Variants in CEP85 observed in about 807,000 individuals in gnomAD.
CEP85 encodes the protein centrosomal protein 85.
In CEP85, 58 loss-of-function variants were observed where a neutral mutation model predicts 93.7. The ratio of observed to expected loss-of-function variants is 0.62; its 90% CI spans 0.50 to 0.77. CEP85 has a LOEUF of 0.77. Ranked by LOEUF, CEP85 falls within the 30% of genes least tolerant of loss-of-function variation. The pLI, the probability that CEP85 is intolerant of heterozygous loss-of-function variation, is 0.00. For missense variants in CEP85, 868 were observed against 922.0 expected (o/e 0.94, Z 0.76); for synonymous variants, 314 against 338.6 (o/e 0.93, Z 0.80).
intron 7 of CEP85, among the ~76,000 whole-genome samples, chr1:26,266,101 C>G (rs1414480619): frequency 6.6e-6 from 1 of 151,734 alleles, no homozygotes. Flanking sequence ...CCCAGCTCCT[C>G]GGGAGGCTGA....
Position 26,244,262 on chromosome 1 carries a change from G to T in CEP85, c.152G>T (p.Ser51Ile). ...PFRSRFSRCSSVADSGDTAIG... is the reference protein window; with the variant it reads ...PFRSRFSRCSIVADSGDTAIG... ...CGGAGCCGCTTCAGCCGCTGTTCAA[G>T]TGTAGCCGACAGTGGGGACACAGCC... The change falls in exon 3 of 14, where the codon AGT (serine) becomes ATT (isoleucine). Residue 51 changes from serine (S) to isoleucine (I), a missense_variant. By Grantham distance (142) the Ser-to-Ile change is moderately radical. Transcript: ENST00000451429. The T allele has an allele frequency of 6.2e-7, 1 of 1,614,094 alleles. No individual in the cohort carries two copies. The highest frequency in any genetic ancestry group is 8.5e-7 in the Non-Finnish European group (1 of 1,180,024).
chr1:26,257,823 C>T, intron 5 of CEP85, 93 bp downstream of exon 5: 1 of 1,421,842 alleles, frequency 7.0e-7, no homozygotes, highest in Non-Finnish European at 9.7e-7. Context: ...AAGCATTCCT[C>T]CTCTGTTTAG....
intron 3 of CEP85, 73 bp downstream of exon 3, chr1:26,244,391 T>C: frequency 7.5e-7 from 1 of 1,341,480 alleles, no homozygotes; most frequent in Non-Finnish European, 1.1e-6. Flanking sequence ...TATATTGGCA[T>C]TTCCAGATTG....
rs533913254 is a variant in CEP85 at position 26,276,575 on chromosome 1, C to T, written c.1943C>T (p.Thr648Ile). 1.6e-4 allele frequency: 265 copies of T among 1,614,210 alleles called. 2 individuals carry two copies. In the South Asian group the frequency reaches 2.8e-3, roughly 17 times the overall value. Residue 648 changes from threonine (T) to isoleucine (I), a missense_variant, in exon 13 of 14, where the codon ACA becomes ATA. Thr to Ile is a moderately conservative substitution (Grantham distance 89). Transcript: ENST00000451429. ...QNQDLIEKNLTLQEHLRQAQP... is the reference protein window; with the variant it reads ...QNQDLIEKNLILQEHLRQAQP... ...CAGGACTTGATTGAGAAGAATCTGA[C>T]ACTCCAGGAACACCTGCGCCAGGCC...
intron 9 of CEP85, among the ~76,000 whole-genome samples, chr1:26,270,407 T>C (rs2089957297): frequency 6.6e-6 from 1 of 152,234 alleles, no homozygotes; most frequent in African/African-American, 2.4e-5. Flanking sequence ...CAGGATGTCT[T>C]GGGAGCCTTC....
chr1:26,257,600 C>A lies in CEP85; in HGVS notation c.907C>A (p.Gln303Lys). The change falls in exon 5 of 14, where the codon CAG becomes AAG. Residue 303 changes from glutamine (Q) to lysine (K), a missense_variant. Physicochemically the swap from Gln to Lys is moderately conservative, Grantham distance 53 (BLOSUM62 1). Coordinates refer to ENST00000451429, the MANE Select transcript of CEP85 (RefSeq NM_001319944.2). The stretch of plus-strand genomic sequence containing the variant: ...TCTGGGCCTACTTGCCTTTCAGCTT[C>A]AGAATGGAGCCATCTGCCACCATCC... ...IRLQMEQMQL[Q>K]NGAICHHPAA... 1 of 1,614,092 alleles carries A rather than the reference C, an allele frequency of 6.2e-7. No individual in the cohort carries two copies. The highest frequency in any genetic ancestry group is 8.5e-7 in the Non-Finnish European group (1 of 1,179,974).
rs895701659 is a variant in CEP85 at position 26,255,536 on chromosome 1, G to A, written c.574G>A (p.Ala192Thr). 1 of 1,614,108 alleles carries A rather than the reference G, an allele frequency of 6.2e-7. No homozygotes were observed. The highest frequency in any genetic ancestry group is 1.7e-5 in the Admixed American group (1 of 59,998). Residue 192 changes from alanine to threonine, a missense_variant, in exon 4 of 14, where the codon GCA (alanine) becomes ACA (threonine). By Grantham distance (58) the Ala-to-Thr change is moderately conservative (BLOSUM62 0). Transcript: ENST00000451429. Reference protein sequence around the residue: ...PSMESTLNQSAMMETLYSDPH... With the variant: ...PSMESTLNQSTMMETLYSDPH... ...CATGGAATCTACCCTCAATCAGTCGGCAATGATGGAGACACTTTATTCAGA... is the reference window on the plus strand; with the variant it reads ...CATGGAATCTACCCTCAATCAGTCGACAATGATGGAGACACTTTATTCAGA...
At chr1:26,267,254 C>A (rs139456536) in intron 7 of CEP85, among the ~76,000 whole-genome samples, 3 of 152,194 alleles carry the variant, frequency 2.0e-5, no homozygotes, top group Non-Finnish European at 2.9e-5. Context: ...CTTATTATTA[C>A]AGTTTTATTA....
At chr1:26,262,968 CT>C (rs2089835391) in intron 7 of CEP85, 2 of 153,232 alleles carry the variant, frequency 1.3e-5, no homozygotes, top group Non-Finnish European at 2.9e-5. Flanking sequence ...AACTCCTGGC[CT>C]CAGGTGATTC....
At chr1:26,274,666 C>G (rs760900576) in intron 11 of CEP85, among the ~76,000 whole-genome samples, 1 of 152,078 alleles carries the variant, frequency 6.6e-6, no homozygotes, top group Non-Finnish European at 1.5e-5. Flanking sequence ...AGTCATTCAT[C>G]GTGACGGTGT....
intron 2 of CEP85, among the ~76,000 whole-genome samples, chr1:26,240,684 C>G (rs1250588115): frequency 6.6e-6 from 1 of 152,290 alleles, no homozygotes; most frequent in South Asian, 2.1e-4. Flanking sequence ...CACCTGAGGT[C>G]AGGAGTTTGA....
At chr1:26,235,027 G>C (rs1007322490) in intron 1 of CEP85, among the ~76,000 whole-genome samples, 1 of 152,216 alleles carries the variant, frequency 6.6e-6, no homozygotes, top group Admixed American at 6.5e-5. Context: ...TCAGTAGGGC[G>C]GAAGGTGAGG....
At chr1:26,250,925 C>CCTTTTTTTTTTTTTTTTTT (rs2089598435) in intron 3 of CEP85, among the ~76,000 whole-genome samples, 8 of 55,160 alleles carry the variant, frequency 1.5e-4, no homozygotes, top group African/African-American at 4.7e-4. Flanking sequence ...TTTTTTTTTT[C>CCTTTTTTTTTTTTTTTTTT]TTTTTTCTTT....
Position 26,258,148 on chromosome 1 carries a change from G to A in CEP85, c.1043G>A (p.Arg348Lys), listed in dbSNP as rs765357726. 6.2e-7 allele frequency: 1 copy of A among 1,613,752 alleles called. No homozygotes were observed. Among genetic ancestry groups the A allele is most frequent in the Middle Eastern group, 1.7e-4 (1 of 6,058 alleles). The change falls in exon 6 of 14, where the codon AGG becomes AAG. Residue 348 changes from arginine (R) to lysine (K), a missense_variant. Arg to Lys is a conservative substitution (Grantham distance 26, BLOSUM62 2). Transcript: ENST00000451429. ...GATTCTACCGGCTTGTGCAGGCAGA[G>A]GAAACACATCTCTCAGCTGGAGCAG... ...KEKELLIDKQ[R>K]KHISQLEQKV...
chr1:26,242,051 T>C (rs10902723), intron 2 of CEP85, among the ~76,000 whole-genome samples: 80,290 of 151,198 alleles, frequency 0.53, 22,463 homozygotes, highest in Non-Finnish European at 0.64. Context: ...CATGAGCCAC[T>C]GCACCCGGCC....
intron 1 of CEP85, among the ~76,000 whole-genome samples, chr1:26,237,627 A>G (rs1475326911): frequency 1.3e-5 from 2 of 152,068 alleles, no homozygotes; most frequent in Non-Finnish European, 2.9e-5. Flanking sequence ...CTTTTTGGCT[A>G]TTGTAAATAA....
chr1:26,236,263 A>G (rs1159655765), intron 1 of CEP85, among the ~76,000 whole-genome samples: 1 of 152,244 alleles, frequency 6.6e-6, no homozygotes, highest in Non-Finnish European at 1.5e-5. Context: ...AACATGAGAC[A>G]TGATACTTAA....
Position 26,259,753 on chromosome 1 carries a change from A to G in CEP85, c.1292A>G (p.Lys431Arg), listed in dbSNP as rs1329040017. 6.2e-7 allele frequency: 1 copy of G among 1,613,678 alleles called. No individual in the cohort carries two copies. The highest frequency in any genetic ancestry group is 1.3e-5 in the African/African-American group (1 of 75,030). The change falls in exon 7 of 14, where the codon AAA (lysine) becomes AGA (arginine). Residue 431 changes from lysine to arginine, a missense_variant. Lys to Arg is a conservative substitution (Grantham distance 26). Coordinates refer to ENST00000451429, the MANE Select transcript of CEP85 (RefSeq NM_001319944.2). Reference protein sequence around the residue: ...VEVQLIRESLKVALQKHSEEV... With the variant: ...VEVQLIRESLRVALQKHSEEV... The stretch of plus-strand genomic sequence containing the variant: ...GTCCAGCTCATCAGAGAGTCGCTCA[A>G]AGTGGCGTTGCAGAAGCATTCTGAG...
intron 12 of CEP85, among the ~76,000 whole-genome samples, chr1:26,276,023 C>T (rs558735401): frequency 6.6e-6 from 1 of 152,298 alleles, no homozygotes; most frequent in East Asian, 1.9e-4. Context: ...CTCCAGCCCC[C>T]CACCTAGTGG....
Sources: allele counts gnomAD v4.1 joint callset (sites outside exome capture counted in the v4.1 genomes callset), GRCh38; gene constraint gnomAD v4.1.1; transcripts MANE v1.5; gene names NCBI Gene and HGNC (gene_info 2026-07-23, HGNC 2026-07-21).